Variants in ARPC5L observed in about 807,000 individuals in gnomAD.
ARPC5L encodes the protein actin-related protein 2/3 complex subunit 5-like protein.
In ARPC5L, 4 loss-of-function variants were observed where a neutral mutation model predicts 16.9. The ratio of observed to expected loss-of-function variants is 0.24; its 90% CI spans 0.12 to 0.54. ARPC5L has a LOEUF of 0.54. Among genes scored for constraint, ARPC5L ranks in the 20% least tolerant of loss-of-function variants. ARPC5L has a pLI of 0.95. For synonymous variants in ARPC5L, 78 were observed against 82.6 expected, an observed-to-expected ratio of 0.94 and a Z score of 0.30; for missense variants, 151 against 201.9, an observed-to-expected ratio of 0.75 and a Z score of 1.53.
Position 124,877,201 on chromosome 9 carries a change from G to C in ARPC5L, c.*261G>C, listed in dbSNP as rs1829456636. 6.3e-5 allele frequency: 27 copies of C among 428,516 alleles called. 1 individual carries two copies. The South Asian group carries it at 6.7e-4, about 11-fold the overall frequency. The allele number at this position is 428,516 out of a possible 1,614,324, so 26.5% of individuals were successfully genotyped here. The stretch of plus-strand genomic sequence containing the variant: ...TGACGGTCTACCAGCGTGGCGGCTG[G>C]TGTTGGTCAGATGCACCTGTGTGCA... On this transcript the variant is annotated 3_prime_UTR_variant, in exon 6 of 6. Transcript: ENST00000353214.
At chr9:124,871,649 A>G (rs1829362052) in intron 3 of ARPC5L, among the ~76,000 whole-genome samples, 2 of 152,208 alleles carry the variant, frequency 1.3e-5, no homozygotes, top group African/African-American at 4.8e-5. Flanking sequence ...ACAGGATCCG[A>G]GACCTTGTGG....
At chr9:124,870,034 C>T (rs985735809) in intron 3 of ARPC5L, among the ~76,000 whole-genome samples, 6 of 152,210 alleles carry the variant, frequency 3.9e-5, no homozygotes, top group Non-Finnish European at 8.8e-5. Context: ...CCCAGTCAGT[C>T]TAACCCTCCC....
At position 124,868,594 on chromosome 9, in the gene ARPC5L, C is replaced by T. The variant is rs1449861894; in HGVS notation, c.-697C>T. 2 of 152,416 alleles carry T rather than the reference C, an allele frequency of 1.3e-5. No individual in the cohort carries two copies. The highest frequency in any genetic ancestry group is 1.9e-4 in the East Asian group (1 of 5,184). The allele number at this position is 152,416 out of a possible 1,614,324, so 9.4% of individuals were successfully genotyped here. On this transcript the variant is annotated 5_prime_UTR_variant, in exon 3 of 6. The change creates a new upstream start codon in the 5' untranslated region. Transcript: ENST00000353214. Reference sequence around the variant, plus strand: ...ATCCCTCGAGTCACAACGTCTTCAACGTCTTGTCAGTCCCGTGATCGCACT... The same window carrying T: ...ATCCCTCGAGTCACAACGTCTTCAATGTCTTGTCAGTCCCGTGATCGCACT...
intron 3 of ARPC5L, among the ~76,000 whole-genome samples, chr9:124,870,636 C>T (rs1829342794): frequency 6.6e-6 from 1 of 152,212 alleles, no homozygotes; most frequent in Non-Finnish European, 1.5e-5. Flanking sequence ...CAGGATCTCC[C>T]AATCCACCCT....
chr9:124,873,828 A>G, intron 4 of ARPC5L, 64 bp downstream of exon 4: 1 of 1,577,360 alleles, frequency 6.3e-7, no homozygotes, highest in Non-Finnish European at 8.7e-7. Flanking sequence ...GTGTCTGCCC[A>G]GTGCGAGTGT....
intron 5 of ARPC5L, among the ~76,000 whole-genome samples, chr9:124,875,613 C>T (rs1829422455): frequency 6.6e-6 from 1 of 152,184 alleles, no homozygotes; most frequent in Non-Finnish European, 1.5e-5. Context: ...GAGCAGTGGG[C>T]AGAAACCTTG....
At chr9:124,874,517 A>G (rs1429575065) in intron 4 of ARPC5L, among the ~76,000 whole-genome samples, 1 of 152,126 alleles carries the variant, frequency 6.6e-6, no homozygotes, top group African/African-American at 2.4e-5. Context: ...ACATAGCGAG[A>G]CTTTGTCTGT....
Position 124,869,391 on chromosome 9 carries a change from CGGCG to C in ARPC5L, c.103_106del (p.Ala35SerfsTer38). The C allele has an allele frequency of 6.6e-7, 1 of 1,510,752 alleles. No homozygotes were observed. The highest frequency in any genetic ancestry group is 8.9e-7 in the Non-Finnish European group (1 of 1,129,396). The allele number at this position is 1,510,752 out of a possible 1,614,324, so 93.6% of individuals were successfully genotyped here. ...GAGCAGGAGGAGGCGGCGGCGGCGG[CGGCG>C]GAGCCAGGCCCGGACCCGAGCGAGG... On this transcript the variant is annotated frameshift_variant, in exon 3 of 6. Coordinates refer to ENST00000353214, the MANE Select transcript of ARPC5L (RefSeq NM_030978.3). LOFTEE classifies it high-confidence loss of function.
At position 124,868,797 on chromosome 9, in the gene ARPC5L, G is replaced by A. The variant is rs1829306818; in HGVS notation, c.-494G>A. Reference sequence around the variant, plus strand: ...ATCAGCTCGAAGGTTTCTTCTCCAAGAAGCCTGCCCGGCACTCGAGAAGTA... The same window carrying A: ...ATCAGCTCGAAGGTTTCTTCTCCAAAAAGCCTGCCCGGCACTCGAGAAGTA... On this transcript the variant is annotated 5_prime_UTR_variant, in exon 3 of 6. Coordinates refer to ENST00000353214, the MANE Select transcript of ARPC5L (RefSeq NM_030978.3). 1 of 153,288 alleles carries A rather than the reference G, an allele frequency of 6.5e-6. No individual in the cohort carries two copies. The highest frequency in any genetic ancestry group is 1.5e-5 in the Non-Finnish European group (1 of 68,836). The allele number at this position is 153,288 out of a possible 1,614,324, so 9.5% of individuals were successfully genotyped here. A position where few individuals can be genotyped will look rare whatever the true frequency, so the allele number is the denominator to read the frequency against.
chr9:124,863,160 T>G (rs951612725), intron 1 of ARPC5L, among the ~76,000 whole-genome samples: 7 of 152,052 alleles, frequency 4.6e-5, no homozygotes, highest in African/African-American at 1.7e-4. Context: ...ATTTTATTTT[T>G]TATATATTTT....
At chr9:124,876,422 G>T (rs916093665) in intron 5 of ARPC5L, among the ~76,000 whole-genome samples, 1 of 151,830 alleles carries the variant, frequency 6.6e-6, no homozygotes, top group South Asian at 2.1e-4. Context: ...GGGAGGCAGG[G>T]TTGCAGTGAG....
chr9:124,865,320 A>AG (rs1479926962), intron 2 of ARPC5L, among the ~76,000 whole-genome samples: 3 of 150,540 alleles, frequency 2.0e-5, no homozygotes, highest in Non-Finnish European at 3.0e-5. Context: ...CTGTCTAAAA[A>AG]AAAAAAAAAA....
chr9:124,864,382 T>C (rs1381543737), intron 2 of ARPC5L, among the ~76,000 whole-genome samples: 5 of 152,102 alleles, frequency 3.3e-5, no homozygotes, highest in African/African-American at 1.2e-4. Context: ...TTTTCCAAAA[T>C]GGAGTCTTGC....
chr9:124,869,835 G>T (rs1308980943), intron 3 of ARPC5L, among the ~76,000 whole-genome samples: 1 of 152,190 alleles, frequency 6.6e-6, no homozygotes, highest in African/African-American at 2.4e-5. Context: ...TGGGTCGGCG[G>T]CAGGGCGGAG....
rs1359538950 is a variant in ARPC5L at position 124,877,365 on chromosome 9, C to T, written c.*425C>T. The T allele has an allele frequency of 5.9e-6, 1 of 169,480 alleles. No individual in the cohort carries two copies. Among genetic ancestry groups the T allele is most frequent in the East Asian group, 1.8e-4 (1 of 5,514 alleles). The allele number at this position is 169,480 out of a possible 1,614,324, so 10.5% of individuals were successfully genotyped here. A position where few individuals can be genotyped will look rare whatever the true frequency, so the allele number is the denominator to read the frequency against. ...CAGAGAAGGTGGACACTCTTGGGCT[C>T]ATTGTAAAGTGCCTGCTGCATCAAT... On this transcript the variant is annotated 3_prime_UTR_variant, in exon 6 of 6. Transcript: ENST00000353214.
intron 3 of ARPC5L, among the ~76,000 whole-genome samples, chr9:124,871,481 G>A (rs1829359549): frequency 6.6e-6 from 1 of 152,214 alleles, no homozygotes; most frequent in South Asian, 2.1e-4. Context: ...GGGATTGTGG[G>A]AGGAGCTTGG....
chr9:124,873,077 A>G (rs114912417), intron 3 of ARPC5L: 18 of 152,472 alleles, frequency 1.2e-4, no homozygotes, highest in African/African-American at 4.1e-4. Flanking sequence ...AACTCAGCAA[A>G]GAATGTGTTG....
chr9:124,862,948 A>G (rs2131327871), intron 1 of ARPC5L, among the ~76,000 whole-genome samples: 1 of 151,914 alleles, frequency 6.6e-6, no homozygotes, highest in Non-Finnish European at 1.5e-5. Context: ...CCCGGGTTCA[A>G]GCAGCCCTCC....
Position 124,870,787 on chromosome 9 carries a change from G to T in ARPC5L, c.149+1348G>T, listed in dbSNP as rs536651650. Reference sequence around the variant, plus strand: ...GGCCCAGGACTCTCATTGAACAGATGAGATCAAGCCTGTCAGCTGCTGCCT... The same window carrying T: ...GGCCCAGGACTCTCATTGAACAGATTAGATCAAGCCTGTCAGCTGCTGCCT... On this transcript the variant is annotated intron_variant, in intron 3 of 5. Coordinates refer to ENST00000353214, the MANE Select transcript of ARPC5L (RefSeq NM_030978.3). Among the ~76,000 whole-genome samples, 3 of 152,332 alleles carry T rather than the reference G, an allele frequency of 2.0e-5. No individual in the cohort carries two copies. In the East Asian group the frequency reaches 5.8e-4, roughly 29 times the overall value.
Sources: allele counts gnomAD v4.1 joint callset (sites outside exome capture counted in the v4.1 genomes callset), GRCh38; gene constraint gnomAD v4.1.1; transcripts MANE v1.5; gene names NCBI Gene and HGNC (gene_info 2026-07-23, HGNC 2026-07-21).